Variants in STK3 observed in about 807,000 individuals in gnomAD.
The protein encoded by STK3 is serine/threonine kinase 3.
A neutral mutation model predicts 58.0 loss-of-function variants in STK3; 41 were observed. The ratio of observed to expected loss-of-function variants is 0.71; its 90% CI spans 0.55 to 0.92. The LOEUF (loss-of-function observed/expected upper bound fraction) is 0.92. STK3 is among the 40% of genes least tolerant of loss of function. STK3 has a pLI of 0.00. For missense variants in STK3, 479 were observed against 602.7 expected, an observed-to-expected ratio of 0.79 and a Z score of 2.15; for synonymous variants, 170 against 191.0, an observed-to-expected ratio of 0.89 and a Z score of 0.91.
At chr8:98,543,736 C>G (rs979084867) in intron 9 of STK3, among the ~76,000 whole-genome samples, 2 of 152,138 alleles carry the variant, frequency 1.3e-5, no homozygotes, top group Non-Finnish European at 2.9e-5. Flanking sequence ...AAACTAGCCA[C>G]TCTGTAGAAT....
intron 3 of STK3, among the ~76,000 whole-genome samples, chr8:98,394,978 C>T (rs980786007): frequency 1.3e-5 from 2 of 152,162 alleles, no homozygotes; most frequent in Non-Finnish European, 2.9e-5. Flanking sequence ...CCACCATTCT[C>T]GCCTGCCACA....
chr8:98,743,815 A>G (rs1024352262), intron 4 of STK3, among the ~76,000 whole-genome samples: 3 of 152,062 alleles, frequency 2.0e-5, no homozygotes, highest in African/African-American at 4.8e-5. Flanking sequence ...AAAATGGGAG[A>G]AAATTTTCGC....
chr8:98,450,758 G>T (rs1242193784), downstream of STK3, among the ~76,000 whole-genome samples: 1 of 152,196 alleles, frequency 6.6e-6, no homozygotes, highest in African/African-American at 2.4e-5. Context: ...TCTACATGTA[G>T]GAAGGATGCC....
intron 6 of STK3, among the ~76,000 whole-genome samples, chr8:98,617,571 C>T (rs1817864647): frequency 6.6e-6 from 1 of 151,568 alleles, no homozygotes; most frequent in Non-Finnish European, 1.5e-5. Flanking sequence ...GCTAGCAAGA[C>T]TAACAAAGAA....
downstream of STK3, among the ~76,000 whole-genome samples, chr8:98,366,961 G>A (rs7001549): frequency 0.19 from 28,882 of 152,140 alleles, 2,955 homozygotes; most frequent in Middle Eastern, 0.38. Context: ...TTGCCAATCC[G>A]GACATCAAGG....
chr8:98,363,440 T>C, the STK3 span, among the ~76,000 whole-genome samples: 1 of 152,164 alleles, frequency 6.6e-6, no homozygotes, highest in African/African-American at 2.4e-5. Flanking sequence ...CGGGTTCCGG[T>C]ACAGGCTCTG....
At chr8:98,433,071 TG>T (rs200051280) in intron 3 of STK3, among the ~76,000 whole-genome samples, 7 of 151,980 alleles carry the variant, frequency 4.6e-5, no homozygotes, top group African/African-American at 1.4e-4. Context: ...GTGTTTTTTT[TG>T]TTTGTTTGTT....
intron 1 of STK3, among the ~76,000 whole-genome samples, chr8:98,776,481 A>G (rs1831685528): frequency 6.6e-6 from 1 of 152,238 alleles, no homozygotes; most frequent in Non-Finnish European, 1.5e-5. Flanking sequence ...TCATTAATTC[A>G]GCAAGTGAGC....
At chr8:98,427,741 TGGA>T in intron 3 of STK3, 1 of 387,446 alleles carries the variant, frequency 2.6e-6, no homozygotes, top group Non-Finnish European at 4.6e-6. Flanking sequence ...ACCCCTGGGG[TGGA>T]GCTGTGCTAA....
At chr8:98,806,410 C>T (rs1036123727) in intron 1 of STK3, among the ~76,000 whole-genome samples, 2 of 152,148 alleles carry the variant, frequency 1.3e-5, no homozygotes, top group Non-Finnish European at 2.9e-5. Context: ...GGCTAGAAGT[C>T]GATGCAAAGG....
At chr8:98,803,285 ACGG>A in intron 1 of STK3, among the ~76,000 whole-genome samples, 1 of 152,134 alleles carries the variant, frequency 6.6e-6, no homozygotes, top group African/African-American at 2.4e-5. Flanking sequence ...TAAACTGGCC[ACGG>A]CAATCAGAAA....
chr8:98,931,013 C>T (rs1839985419), intron 1 of STK3, among the ~76,000 whole-genome samples: 1 of 152,358 alleles, frequency 6.6e-6, no homozygotes, highest in Non-Finnish European at 1.5e-5. Flanking sequence ...TCCTAACCCA[C>T]AGCTTCTGTC....
intron 1 of STK3, among the ~76,000 whole-genome samples, chr8:98,825,141 T>C (rs1453092755): frequency 2.6e-5 from 4 of 152,202 alleles, no homozygotes; most frequent in African/African-American, 7.2e-5. Flanking sequence ...ATAAATACTT[T>C]TGAACTTGAG....
intron 7 of STK3, among the ~76,000 whole-genome samples, chr8:98,589,592 C>G (rs1815063858): frequency 6.6e-6 from 1 of 152,256 alleles, no homozygotes; most frequent in Admixed American, 6.5e-5. Flanking sequence ...CCTACAGATG[C>G]AGGCAGGCCT....
chr8:98,798,709 C>T (rs975511405), intron 1 of STK3, among the ~76,000 whole-genome samples: 2 of 152,140 alleles, frequency 1.3e-5, no homozygotes, highest in African/African-American at 4.8e-5. Context: ...CGGTCAATGT[C>T]ATGTATTAAA....
chr8:98,819,563 T>C (rs1214616973), intron 1 of STK3, among the ~76,000 whole-genome samples: 2 of 152,156 alleles, frequency 1.3e-5, no homozygotes, highest in Non-Finnish European at 2.9e-5. Flanking sequence ...AGGGACCAAG[T>C]TGTTAATTCA....
At chr8:98,518,939 G>T (rs1430715736) in intron 10 of STK3, among the ~76,000 whole-genome samples, 4 of 152,006 alleles carry the variant, frequency 2.6e-5, no homozygotes, top group Admixed American at 6.6e-5. Flanking sequence ...GCTATCCACT[G>T]GAACATTTGG....
intron 3 of STK3, among the ~76,000 whole-genome samples, chr8:98,404,047 C>T (rs1273318160): frequency 6.6e-6 from 1 of 152,222 alleles, no homozygotes; most frequent in African/African-American, 2.4e-5. Flanking sequence ...CAGAGGTCAG[C>T]CCAAGATTGA....
rs1829023964 is a variant in STK3, at chr8:98,739,840, A to G, written c.351+9436T>C. ...CAAACCAAAGGCAAAGAAGTTGAAAACTTTGAAAAAAATTTAGACGAATGT... is the reference window on the plus strand; with the variant it reads ...CAAACCAAAGGCAAAGAAGTTGAAAGCTTTGAAAAAAATTTAGACGAATGT... On this transcript the variant is annotated intron_variant, in intron 4 of 10. Transcript: ENST00000419617. Among the ~76,000 whole-genome samples, 7 of 150,434 alleles carry G rather than the reference A, an allele frequency of 4.7e-5. No individual in the cohort carries two copies. In the South Asian group the frequency reaches 1.5e-3, roughly 32 times the overall value.
Sources: gnomAD v4.1 joint callset for allele counts (sites outside exome capture counted in the v4.1 genomes callset) on GRCh38, gnomAD v4.1.1 for gene constraint, MANE v1.5 for transcripts, NCBI Gene and HGNC (gene_info 2026-07-23, HGNC 2026-07-21) for gene names.